The following RAB38 variants were observed in gnomAD, a reference collection of about 807,000 sequenced individuals.
RAB38 encodes RAB38, member RAS oncogene family.
RAB38 carries 15 observed loss-of-function variants against 18.4 expected under a neutral mutation model. The observed-to-expected ratio is 0.82, with a 90% CI of 0.55 to 1.26. The LOEUF (loss-of-function observed/expected upper bound fraction) is 1.26. RAB38 is among the 50% of genes most tolerant of loss of function. RAB38 has a pLI of 0.00. For missense variants in RAB38, 294 were observed against 267.4 expected, an observed-to-expected ratio of 1.10 and a Z score of -0.69; for synonymous variants, 101 against 104.4, an observed-to-expected ratio of 0.97 and a Z score of 0.20.
intron 1 of RAB38, among the ~76,000 whole-genome samples, chr11:88,169,604 A>C (rs1365810264): frequency 6.6e-6 from 1 of 152,172 alleles, no homozygotes; most frequent in African/African-American, 2.4e-5. Context: ...TCCTCAAGCA[A>C]AGGAGACTGA....
chr11:87,861,279 T>A, the RAB38 span, among the ~76,000 whole-genome samples: 1 of 151,934 alleles, frequency 6.6e-6, no homozygotes, highest in African/African-American at 2.4e-5. Flanking sequence ...CAGTTCCGAC[T>A]GAAAAATTAA....
chr11:87,858,045 G>A, the RAB38 span, among the ~76,000 whole-genome samples: 8,065 of 152,152 alleles, frequency 0.053, 302 homozygotes, highest in African/African-American at 0.11. Flanking sequence ...TTTGTATACG[G>A]TGTAAGGAAG....
the RAB38 span, among the ~76,000 whole-genome samples, chr11:87,804,854 A>T: frequency 5.3e-5 from 8 of 152,184 alleles, no homozygotes; most frequent in African/African-American, 1.9e-4. Context: ...TTATTTCTTC[A>T]TTCCATGTAA....
the RAB38 span, among the ~76,000 whole-genome samples, chr11:88,046,116 C>A: frequency 6.6e-6 from 1 of 152,118 alleles, no homozygotes; most frequent in Non-Finnish European, 1.5e-5. Flanking sequence ...GGTGACTGAT[C>A]ATGCACCCTT....
chr11:88,083,722 A>G, the RAB38 span, among the ~76,000 whole-genome samples: 2 of 151,956 alleles, frequency 1.3e-5, no homozygotes, highest in Non-Finnish European at 2.9e-5. Context: ...AACTAGCTCA[A>G]GCTTTTTTGC....
At chr11:88,026,986 T>A in the RAB38 span, among the ~76,000 whole-genome samples, 1 of 152,198 alleles carries the variant, frequency 6.6e-6, no homozygotes, top group East Asian at 1.9e-4. Context: ...AAAATACAAT[T>A]GATTTTTGCG....
chr11:87,850,500 A>G, the RAB38 span, among the ~76,000 whole-genome samples: 1 of 152,096 alleles, frequency 6.6e-6, no homozygotes, highest in Non-Finnish European at 1.5e-5. Context: ...ATGCACTCTT[A>G]TGTTTTGAGA....
chr11:87,957,763 TTCTTGACACA>T, the RAB38 span, among the ~76,000 whole-genome samples: 1 of 151,978 alleles, frequency 6.6e-6, no homozygotes, highest in East Asian at 1.9e-4. Context: ...GGGAGAAAAA[TTCTTGACACA>T]TCTTGGGGGA....
chr11:87,815,945 C>T, the RAB38 span: 2 of 152,344 alleles, frequency 1.3e-5, no homozygotes, highest in Non-Finnish European at 2.9e-5. Flanking sequence ...GTTTACATCT[C>T]GGCTAATATG....
chr11:87,849,912 A>C, the RAB38 span, among the ~76,000 whole-genome samples: 17 of 152,116 alleles, frequency 1.1e-4, no homozygotes, highest in Admixed American at 7.2e-4. Context: ...GATGAGCTCA[A>C]ACTAGTTGTA....
the RAB38 span, among the ~76,000 whole-genome samples, chr11:87,872,440 A>T: frequency 1.3e-5 from 2 of 151,662 alleles, 1 homozygote; most frequent in South Asian, 4.1e-4. Context: ...ACTGATACCA[A>T]CACTGACATG....
the RAB38 span, among the ~76,000 whole-genome samples, chr11:87,852,828 C>T: frequency 6.6e-6 from 1 of 152,122 alleles, no homozygotes. Flanking sequence ...TCTTTTCTCA[C>T]CTCTTTTCAA....
chr11:88,083,139 C>T, the RAB38 span, among the ~76,000 whole-genome samples: 2 of 151,798 alleles, frequency 1.3e-5, no homozygotes, highest in African/African-American at 4.8e-5. Context: ...CCCTCACTTC[C>T]TTCAGTGTTT....
intron 1 of RAB38, among the ~76,000 whole-genome samples, chr11:88,172,799 C>T (rs1943325564): frequency 6.6e-6 from 1 of 152,198 alleles, no homozygotes; most frequent in African/African-American, 2.4e-5. Context: ...ATGTTCCAAC[C>T]ATTTCCTACA....
At chr11:87,830,118 T>C in the RAB38 span, among the ~76,000 whole-genome samples, 76 of 152,282 alleles carry the variant, frequency 5.0e-4, no homozygotes, top group African/African-American at 1.4e-3. Context: ...AGAATACTTA[T>C]TAAATACTTA....
At chr11:88,049,029 C>A in the RAB38 span, among the ~76,000 whole-genome samples, 2 of 152,242 alleles carry the variant, frequency 1.3e-5, no homozygotes, top group African/African-American at 2.4e-5. Flanking sequence ...AACAACCCCA[C>A]AATATCACCC....
the RAB38 span, among the ~76,000 whole-genome samples, chr11:87,972,791 G>A: frequency 8.6e-5 from 13 of 152,040 alleles, no homozygotes; most frequent in South Asian, 2.5e-3. Context: ...AAATACCAAC[G>A]TAATATGGTT....
the RAB38 span, among the ~76,000 whole-genome samples, chr11:87,937,010 G>A: frequency 6.6e-6 from 1 of 151,756 alleles, no homozygotes; most frequent in East Asian, 1.9e-4. Flanking sequence ...GCAACATGTT[G>A]AATAAGAGTG....
the RAB38 span, among the ~76,000 whole-genome samples, chr11:87,941,306 A>T: frequency 7.0e-6 from 1 of 143,474 alleles, no homozygotes; most frequent in Non-Finnish European, 1.5e-5. Flanking sequence ...ACTGTCCCAG[A>T]GTTTCTCATC....
Sources: allele counts gnomAD v4.1 joint callset (sites outside exome capture counted in the v4.1 genomes callset), GRCh38; gene constraint gnomAD v4.1.1; transcripts MANE v1.5; gene names NCBI Gene and HGNC (gene_info 2026-07-23, HGNC 2026-07-21).